KDM4C: variants seen among roughly 807,000 people sequenced by gnomAD.
KDM4C encodes the protein lysine demethylase 4C.
Under a neutral mutation model 129.3 loss-of-function variants are expected in KDM4C, and 81 were observed. The ratio of observed to expected loss-of-function variants is 0.63; its 90% CI spans 0.52 to 0.75. The LOEUF (loss-of-function observed/expected upper bound fraction) is 0.75. Ranked by LOEUF, KDM4C falls within the 30% of genes least tolerant of loss-of-function variation. The pLI, the probability that KDM4C is intolerant of heterozygous loss-of-function variation, is 0.00. For synonymous variants in KDM4C, 573 were observed against 456.1 expected, an observed-to-expected ratio of 1.26 and a Z score of -3.26; for missense variants, 1,457 against 1,304.0, an observed-to-expected ratio of 1.12 and a Z score of -1.81.
intron 1 of KDM4C, among the ~76,000 whole-genome samples, chr9:6,770,035 C>T (rs969185263): frequency 3.3e-5 from 5 of 151,980 alleles, no homozygotes; most frequent in East Asian, 1.9e-4. Flanking sequence ...AAAAATTAGC[C>T]GGGCATGGTG....
In KDM4C at chr9:6,912,312, G is replaced by T. The variant is rs116001563; in HGVS notation, c.921+19080G>T. On this transcript the variant is annotated intron_variant, in intron 8 of 21. Transcript: ENST00000381309. ...CTTTGCTGTCACTTCTTGCAGTCAG[G>T]ACCCTTAACCTCTCCCCTGTGTGAT... Among the ~76,000 whole-genome samples, 822 of 152,252 alleles carry T rather than the reference G, an allele frequency of 5.4e-3. 9 individuals carry two copies. Among genetic ancestry groups the T allele is most frequent in the African/African-American group, 0.019 (783 of 41,550 alleles).
chr9:6,888,163 G>C, intron 7 of KDM4C, 100 bp downstream of exon 7: 1 of 530,198 alleles, frequency 1.9e-6, no homozygotes, highest in Non-Finnish European at 3.3e-6. Flanking sequence ...TTTAGGATGT[G>C]GGTAGAGAAA....
chr9:6,800,067 AAAAT>A (rs1299508138), intron 2 of KDM4C, among the ~76,000 whole-genome samples: 4 of 151,806 alleles, frequency 2.6e-5, no homozygotes, highest in South Asian at 2.1e-4. Context: ...TTCCAAAAAA[AAAAT>A]AAATAAATAA....
At chr9:6,884,522 A>G (rs73639387) in intron 6 of KDM4C, among the ~76,000 whole-genome samples, 3 of 152,218 alleles carry the variant, frequency 2.0e-5, no homozygotes, top group East Asian at 3.9e-4. Context: ...CCAGTCATAT[A>G]AAACCACGAT....
At chr9:7,110,686 C>G (rs925386484) in intron 18 of KDM4C, among the ~76,000 whole-genome samples, 10 of 152,128 alleles carry the variant, frequency 6.6e-5, no homozygotes, top group Non-Finnish European at 1.0e-4. Context: ...GTTTACAGTT[C>G]CTTTGAAGAC....
chr9:6,757,878 C>G, upstream of KDM4C: 1 of 985,572 alleles, frequency 1.0e-6, no homozygotes, highest in South Asian at 4.7e-5. Context: ...AAAGCAAGAG[C>G]GTGCCGGGCA....
intron 8 of KDM4C, among the ~76,000 whole-genome samples, chr9:6,950,541 A>G (rs1462214232): frequency 6.6e-6 from 1 of 152,212 alleles, no homozygotes; most frequent in Non-Finnish European, 1.5e-5. Context: ...AATTCAAAGC[A>G]AATTTAAGCT....
intron 5 of KDM4C, among the ~76,000 whole-genome samples, chr9:6,876,017 G>C (rs1411188898): frequency 6.6e-6 from 1 of 152,176 alleles, no homozygotes; most frequent in Non-Finnish European, 1.5e-5. Flanking sequence ...CATAGGGCCT[G>C]ATCATCAGGC....
chr9:6,754,015 C>T (rs145393296), upstream of KDM4C, among the ~76,000 whole-genome samples: 11,213 of 151,350 alleles, frequency 0.074, 595 homozygotes, highest in Non-Finnish European at 0.11. Flanking sequence ...GCTGGGACTA[C>T]AGGCACCTGC....
At chr9:6,953,807 C>G (rs993253353) in intron 8 of KDM4C, among the ~76,000 whole-genome samples, 1 of 152,152 alleles carries the variant, frequency 6.6e-6, no homozygotes, top group Non-Finnish European at 1.5e-5. Flanking sequence ...TTTCTTCTCC[C>G]AAACTTGAAT....
chr9:6,806,914 C>CTCTCCG lies in KDM4C; in HGVS notation c.320+1146_320+1151dup, dbSNP rs1194439263. Among the ~76,000 whole-genome samples the CTCTCCG allele has an allele frequency of 9.1e-4, 133 of 146,770 alleles. 1 individual carries two copies. Among genetic ancestry groups the CTCTCCG allele is most frequent in the Non-Finnish European group, 1.4e-3 (89 of 65,758 alleles). ...CCTCTCCCTCTCCCTCTCCCTCTCC[C>CTCTCCG]TCTCCGTCTCCCCACGGTCTCCCTC... On this transcript the variant is annotated intron_variant, in intron 3 of 21. Transcript: ENST00000381309.
At chr9:6,878,881 A>G (rs1033233910) in intron 5 of KDM4C, among the ~76,000 whole-genome samples, 2 of 152,188 alleles carry the variant, frequency 1.3e-5, no homozygotes, top group African/African-American at 2.4e-5. Flanking sequence ...AAGAACTGGT[A>G]AGAAGTGGCC....
At position 6,758,511 on chromosome 9, in the gene KDM4C, G is replaced by T. The variant is rs1818727031; in HGVS notation, c.-18+308G>T. Among the ~76,000 whole-genome samples, 1 of 152,074 alleles carries T rather than the reference G, an allele frequency of 6.6e-6. No homozygotes were observed. Among genetic ancestry groups the T allele is most frequent in the African/African-American group, 2.4e-5 (1 of 41,412 alleles). ...GGTCGCCTCCTTGGGGCAGAGGAGC[G>T]CTCGGGCGGTCCTGGGATGCGGACC... On this transcript the variant is annotated intron_variant, in intron 1 of 21. Coordinates refer to ENST00000381309, the MANE Select transcript of KDM4C (RefSeq NM_015061.6). This position sits in a 1 kb window ranked among gnomAD's most constrained non-coding sequence, Gnocchi z 4.6.
At chr9:7,134,594 A>G (rs909153016) in intron 19 of KDM4C, among the ~76,000 whole-genome samples, 2 of 152,214 alleles carry the variant, frequency 1.3e-5, no homozygotes, top group Non-Finnish European at 2.9e-5. Context: ...GAATTCTCCT[A>G]TTTCAGACAT....
At chr9:6,791,582 T>C (rs1826628639) in intron 1 of KDM4C, among the ~76,000 whole-genome samples, 2 of 152,232 alleles carry the variant, frequency 1.3e-5, no homozygotes. Flanking sequence ...TATGACAATC[T>C]GTAAGCACAC....
intron 1 of KDM4C, among the ~76,000 whole-genome samples, chr9:6,769,728 A>G (rs1821361758): frequency 6.6e-6 from 1 of 151,572 alleles, no homozygotes; most frequent in African/African-American, 2.4e-5. Context: ...TAGATGGACA[A>G]TGCCTCCTGC....
intron 1 of KDM4C, among the ~76,000 whole-genome samples, chr9:6,731,212 G>A (rs777630842): frequency 1.3e-5 from 2 of 151,934 alleles, no homozygotes; most frequent in African/African-American, 4.8e-5. Flanking sequence ...TACTGGGAAC[G>A]TCATGTTTAC....
intron 4 of KDM4C, chr9:6,834,905 A>C: frequency 8.2e-7 from 1 of 1,217,444 alleles, no homozygotes; most frequent in African/African-American, 1.5e-5. Context: ...TACCACTGGT[A>C]CCGTGATGGA....
intron 19 of KDM4C, among the ~76,000 whole-genome samples, chr9:7,160,974 G>C (rs891930084): frequency 2.0e-5 from 3 of 149,974 alleles, no homozygotes; most frequent in Admixed American, 1.3e-4. Context: ...GTTGAGCTGC[G>C]GTGGGCTCCA....
Sources: allele counts gnomAD v4.1 joint callset (sites outside exome capture counted in the v4.1 genomes callset), GRCh38; gene constraint gnomAD v4.1.1; non-coding constraint Gnocchi (gnomAD v3.1); transcripts MANE v1.5; gene names NCBI Gene and HGNC (gene_info 2026-07-23, HGNC 2026-07-21).